PCDHGB4: variants seen among roughly 807,000 people sequenced by gnomAD.
PCDHGB4 encodes the protein protocadherin gamma-B4.
In PCDHGB4, 38 loss-of-function variants were observed where a neutral mutation model predicts 60.5. The observed-to-expected ratio is 0.63, with a 90% CI of 0.48 to 0.82. The LOEUF (loss-of-function observed/expected upper bound fraction) is 0.82. PCDHGB4 is among the 40% of genes least tolerant of loss of function. The probability of loss-of-function intolerance (pLI) is 0.00; values close to 1 mark genes in which losing one functional copy is unlikely to be tolerated. For missense variants in PCDHGB4, 1,109 were observed against 1,209.6 expected (o/e 0.92, Z 1.23); for synonymous variants, 456 against 509.7 (o/e 0.89, Z 1.42).
At chr5:141,472,786 G>A (rs549389294) in intron 1 of PCDHGB4, among the ~76,000 whole-genome samples, 1 of 151,888 alleles carries the variant, frequency 6.6e-6, no homozygotes, top group Non-Finnish European at 1.5e-5. Flanking sequence ...GGGAGTTCAA[G>A]ATCAGCCTGA....
chr5:141,456,554 G>A (rs1003323522), intron 1 of PCDHGB4, among the ~76,000 whole-genome samples: 2 of 152,202 alleles, frequency 1.3e-5, no homozygotes, highest in Non-Finnish European at 2.9e-5. Flanking sequence ...GCCACTCGGG[G>A]CTGAAGCCCA....
intron 1 of PCDHGB4, chr5:141,442,020 A>G (rs1461958612): frequency 4.6e-6 from 1 of 219,170 alleles, no homozygotes; most frequent in South Asian, 5.2e-5. Context: ...GATGGGCCAC[A>G]GGAAAGCGAC....
chr5:141,399,198 G>T (rs1370289172), intron 1 of PCDHGB4: 1 of 1,613,816 alleles, frequency 6.2e-7, no homozygotes, highest in African/African-American at 1.3e-5. Context: ...AAAACGCGGT[G>T]CCTGGAACAC....
chr5:141,482,562 C>A (rs1030078543), intron 1 of PCDHGB4, among the ~76,000 whole-genome samples: 68 of 142,616 alleles, frequency 4.8e-4, no homozygotes, highest in African/African-American at 1.8e-3. Flanking sequence ...TAATGGAGAT[C>A]TGCATAGCAT....
intron 1 of PCDHGB4, chr5:141,392,785 T>C: frequency 1.3e-6 from 2 of 1,549,118 alleles, no homozygotes; most frequent in Non-Finnish European, 1.7e-6. Flanking sequence ...ACAGTGAAGA[T>C]TCTGAGAGGA....
chr5:141,421,640 A>T (rs367946949), intron 1 of PCDHGB4: 1 of 1,613,716 alleles, frequency 6.2e-7, no homozygotes, highest in Non-Finnish European at 8.5e-7. Context: ...CAGGAGGACG[A>T]AGTGGAGATA....
At chr5:141,429,240 TGA>T (rs998506084) in intron 1 of PCDHGB4, 1 of 151,858 alleles carries the variant, frequency 6.6e-6, no homozygotes, top group Non-Finnish European at 1.5e-5. Context: ...CTGCTGTCAT[TGA>T]GATATTTTAA....
At chr5:141,422,989 C>T (rs777558098) in intron 1 of PCDHGB4, 1 of 1,614,232 alleles carries the variant, frequency 6.2e-7, no homozygotes, top group African/African-American at 1.3e-5. Flanking sequence ...ACCTGGCTAC[C>T]TGGTGACCAA....
At chr5:141,492,606 C>G (rs1019615566) in intron 1 of PCDHGB4, among the ~76,000 whole-genome samples, 3 of 152,232 alleles carry the variant, frequency 2.0e-5, no homozygotes, top group African/African-American at 7.2e-5. Flanking sequence ...GACTGCCGCT[C>G]TAAGTGCCGG....
chr5:141,394,633 G>A (rs1026935408), intron 1 of PCDHGB4: 57 of 1,613,274 alleles, frequency 3.5e-5, no homozygotes, highest in Middle Eastern at 1.7e-4. Flanking sequence ...CTGTCCTACC[G>A]CCTGCTCAAG....
In PCDHGB4 at chr5:141,389,429, G is replaced by A. The variant is rs201662463; in HGVS notation, c.1545G>A (p.Gln515=). The change falls in exon 1 of 4, where the codon CAG becomes CAA. Residue 515 remains glutamine, a synonymous_variant. Transcript: ENST00000519479. ...CGGAGAGCGGGGTGGTGTTCGCGCAGCGCGCCTTCGACCACGAGCAGCTGC... is the reference window on the plus strand; with the variant it reads ...CGGAGAGCGGGGTGGTGTTCGCGCAACGCGCCTTCGACCACGAGCAGCTGC... The part of the protein sequence containing the change: ...ISAESGVVFA[Q]RAFDHEQLRA... 149 of 1,610,654 alleles carry A rather than the reference G, an allele frequency of 9.3e-5. No homozygotes were observed. The highest frequency in any genetic ancestry group is 8.6e-5 in the Non-Finnish European group (101 of 1,178,378).
Position 141,432,599 on chromosome 5 carries a change from C to T in PCDHGB4, c.2397+42318C>T. 2.5e-6 allele frequency: 4 copies of T among 1,613,908 alleles called. No individual in the cohort carries two copies. The highest frequency in any genetic ancestry group is 2.7e-5 in the African/African-American group (2 of 75,052). On this transcript the variant is annotated intron_variant, in intron 1 of 3. Coordinates refer to ENST00000519479, the MANE Select transcript of PCDHGB4 (RefSeq NM_003736.4). The surrounding 1 kb of genome is among the most constrained non-coding windows in gnomAD (Gnocchi z 6.0). Reference sequence around the variant, plus strand: ...CTACCGTCTGCTCAAGGCCAGCGAGCCGGGACTCTTCTCGGTGGGTCTGCA... The same window carrying T: ...CTACCGTCTGCTCAAGGCCAGCGAGTCGGGACTCTTCTCGGTGGGTCTGCA...
In PCDHGB4 at chr5:141,389,590, G is replaced by C. The variant is rs1409328445; in HGVS notation, c.1706G>C (p.Gly569Ala). Residue 569 changes from glycine (G) to alanine (A), a missense_variant, in exon 1 of 4, where the codon GGC (glycine) becomes GCC (alanine). Physicochemically the swap from Gly to Ala is moderately conservative, Grantham distance 60. This residue lies in a region of PCDHGB4 where 1,068 missense variants were observed against 1,089.9 expected (regional missense o/e 0.98). Coordinates refer to ENST00000519479, the MANE Select transcript of PCDHGB4 (RefSeq NM_003736.4). ...RVLYPALGPD[G>A]SALFDMVPHA... is the part of the protein sequence containing the mutation. ...CTGTACCCCGCGCTGGGTCCCGACG[G>C]CTCTGCGCTCTTCGATATGGTGCCG... 6.2e-7 allele frequency: 1 copy of C among 1,613,014 alleles called. No homozygotes were observed. The highest frequency in any genetic ancestry group is 8.5e-7 in the Non-Finnish European group (1 of 1,179,788).
At chr5:141,501,409 A>G (rs1358547245) in intron 2 of PCDHGB4, among the ~76,000 whole-genome samples, 1 of 151,978 alleles carries the variant, frequency 6.6e-6, no homozygotes, top group African/African-American at 2.4e-5. Context: ...ACTGCTTGGA[A>G]AATAGTTGAC....
Position 141,405,415 on chromosome 5 carries a change from GT to G in PCDHGB4, c.2397+15140del, listed in dbSNP as rs757320616. The G allele has an allele frequency of 3.1e-4, 488 of 1,559,566 alleles. 1 individual carries two copies. Among genetic ancestry groups the G allele is most frequent in the Admixed American group, 8.4e-4 (46 of 54,770 alleles). On this transcript the variant is annotated intron_variant, in intron 1 of 3. Transcript: ENST00000519479. Reference sequence around the variant, plus strand: ...TTTTCTTTCTTTCTTTTCTTTTTTTGTTTTTTGTTTTGTTTTGTTTTTGAGA... The same window carrying G: ...TTTTCTTTCTTTCTTTTCTTTTTTTGTTTTTGTTTTGTTTTGTTTTTGAGA...
chr5:141,478,497 C>A (rs746475685), intron 1 of PCDHGB4: 2 of 1,612,820 alleles, frequency 1.2e-6, no homozygotes, highest in Non-Finnish European at 1.7e-6. Context: ...AGCTGTGATC[C>A]GGTGTTCTAT....
intron 1 of PCDHGB4, chr5:141,423,860 G>A: frequency 7.8e-7 from 1 of 1,283,074 alleles, no homozygotes; most frequent in Non-Finnish European, 9.9e-7. Context: ...ACGTTTTTGT[G>A]AAAGTCATTT....
chr5:141,501,292 C>CACAT (rs200296563), intron 2 of PCDHGB4, among the ~76,000 whole-genome samples: 14,029 of 50,334 alleles, frequency 0.28, 723 homozygotes, highest in Admixed American at 0.4. Flanking sequence ...TTCCCTTATA[C>CACAT]ACACACACAC....
At chr5:141,409,424 G>A in intron 1 of PCDHGB4, 1 of 1,613,998 alleles carries the variant, frequency 6.2e-7, no homozygotes, top group Non-Finnish European at 8.5e-7. Context: ...GGTGACAGAT[G>A]GAGCCCTGGA....
Sources: gnomAD v4.1 joint callset for allele counts (sites outside exome capture counted in the v4.1 genomes callset) on GRCh38, gnomAD v4.1.1 for gene constraint, gnomAD v4.1.1 regional missense constraint, Gnocchi (gnomAD v3.1) non-coding constraint, MANE v1.5 for transcripts, NCBI Gene and HGNC (gene_info 2026-07-23, HGNC 2026-07-21) for gene names.